Variants in PTPRG observed in about 807,000 individuals in gnomAD.
PTPRG encodes receptor-type tyrosine-protein phosphatase gamma.
In PTPRG, 102 loss-of-function variants were observed where a neutral mutation model predicts 165.3. The ratio of observed to expected loss-of-function variants is 0.62; its 90% confidence interval spans 0.53 to 0.73. The LOEUF (loss-of-function observed/expected upper bound fraction) is 0.73. Among genes scored for constraint, PTPRG ranks in the 30% least tolerant of loss-of-function variants. The pLI, the probability that PTPRG is intolerant of heterozygous loss-of-function variation, is 0.00. For missense variants in PTPRG, 1,866 were observed against 1,861.4 expected (o/e 1.00, Z -0.05); for synonymous variants, 675 against 669.5 (o/e 1.01, Z -0.13).
Position 61,953,548 on chromosome 3 carries a change from G to A in PTPRG, c.191-36077G>A, listed in dbSNP as rs558908116. The stretch of plus-strand genomic sequence containing the variant: ...TAAATTAAGGTTGTATATTGCAATG[G>A]CAATTAAGCAGTGTAATAAATGTGA... On this transcript the variant is annotated intron_variant, in intron 2 of 29. Transcript: ENST00000474889. 1.6e-4 allele frequency among the ~76,000 whole-genome samples: 25 copies of A among 152,242 alleles called. 2 individuals are homozygous for A. In the South Asian group the frequency reaches 4.4e-3, roughly 27 times the overall value.
intron 1 of PTPRG, among the ~76,000 whole-genome samples, chr3:61,693,514 G>A (rs757274620): frequency 6.6e-6 from 1 of 152,158 alleles, no homozygotes; most frequent in Non-Finnish European, 1.5e-5. Context: ...TAGGGGGCTG[G>A]ACTTGGTGCT....
At chr3:61,997,749 A>T in intron 3 of PTPRG, among the ~76,000 whole-genome samples, 1 of 152,170 alleles carries the variant, frequency 6.6e-6, no homozygotes, top group East Asian at 1.9e-4. Context: ...ATTACTCAGT[A>T]AATATTTGTT....
In PTPRG at chr3:62,281,551, T is replaced by TTTTTTTTTTTG. The variant is rs1553667465; in HGVS notation, c.3766-12_3766-11insTTTTTTTTTTG. The TTTTTTTTTTTG allele has an allele frequency of 5.5e-6, 8 of 1,466,968 alleles. No individual in the cohort carries two copies. The South Asian group carries it at 9.6e-5, about 18-fold the overall frequency. The allele number at this position is 1,466,968 out of a possible 1,614,324, so 90.9% of individuals were successfully genotyped here. A position where few individuals can be genotyped will look rare whatever the true frequency, so the allele number is the denominator to read the frequency against. ...GAACTGCAGAGGCTTTTTTTTTTTT[T>TTTTTTTTTTTG]GGATTCCAAAGGCAGAAGATGAGTT... On this transcript the variant is annotated splice_polypyrimidine_tract_variant and intron_variant, in intron 26 of 29. Transcript: ENST00000474889.
chr3:62,277,164 A>G (rs1203950357), intron 25 of PTPRG, 116 bp downstream of exon 25: 8 of 796,118 alleles, frequency 1.0e-5, no homozygotes, highest in Non-Finnish European at 1.4e-5. Flanking sequence ...GTGTAATATG[A>G]AAAGTATAGA....
chr3:61,798,615 G>C (rs2107159323), intron 2 of PTPRG, among the ~76,000 whole-genome samples: 1 of 123,002 alleles, frequency 8.1e-6, no homozygotes, highest in South Asian at 3.1e-4. Flanking sequence ...TGTTGTTGCT[G>C]CTGGTTTTTT....
intron 1 of PTPRG, among the ~76,000 whole-genome samples, chr3:61,623,329 A>G (rs182712977): frequency 6.6e-6 from 1 of 152,310 alleles, no homozygotes; most frequent in African/African-American, 2.4e-5. Context: ...GATCTGCATG[A>G]CTAGGGAGGA....
chr3:62,183,851 A>T (rs896351992), intron 8 of PTPRG, among the ~76,000 whole-genome samples: 1 of 152,196 alleles, frequency 6.6e-6, no homozygotes, highest in South Asian at 2.1e-4. Flanking sequence ...AACGGGAAGG[A>T]AGCTTTTTAC....
At chr3:62,285,887 G>A (rs1559763932) in intron 28 of PTPRG, among the ~76,000 whole-genome samples, 1 of 152,116 alleles carries the variant, frequency 6.6e-6, no homozygotes, top group Non-Finnish European at 1.5e-5. Flanking sequence ...TCACTCTGGA[G>A]ATACATGTAT....
chr3:61,736,173 G>A (rs2032715169), intron 1 of PTPRG, among the ~76,000 whole-genome samples: 1 of 151,484 alleles, frequency 6.6e-6, no homozygotes, highest in Admixed American at 6.6e-5. Context: ...CTCCCAAAGT[G>A]CTAGGATTAC....
chr3:61,569,897 A>C (rs1400664009), intron 1 of PTPRG, among the ~76,000 whole-genome samples: 30 of 152,208 alleles, frequency 2.0e-4, no homozygotes, highest in Non-Finnish European at 1.5e-5. Context: ...ATTGCAAAGG[A>C]GGTCTCTGCT....
chr3:62,047,948 C>A (rs1184224456), intron 4 of PTPRG, among the ~76,000 whole-genome samples: 1 of 152,136 alleles, frequency 6.6e-6, no homozygotes, highest in African/African-American at 2.4e-5. Flanking sequence ...CAGTGGGATG[C>A]ATAGCTAATT....
intron 8 of PTPRG, among the ~76,000 whole-genome samples, chr3:62,186,407 T>A: frequency 6.6e-6 from 1 of 151,838 alleles, no homozygotes; most frequent in East Asian, 1.9e-4. Flanking sequence ...GGGAGATGCT[T>A]GCAGCTCAGT....
At chr3:62,168,730 A>C (rs1453994187) in intron 8 of PTPRG, among the ~76,000 whole-genome samples, 1 of 152,132 alleles carries the variant, frequency 6.6e-6, no homozygotes, top group Admixed American at 6.6e-5. Flanking sequence ...CTGAAGCCCA[A>C]GTGGGCATGT....
chr3:62,172,552 T>A (rs993058982), intron 8 of PTPRG, among the ~76,000 whole-genome samples: 1 of 151,464 alleles, frequency 6.6e-6, no homozygotes, highest in African/African-American at 2.5e-5. Flanking sequence ...ACAGCCCACA[T>A]GACCAAATGT....
At chr3:62,159,533 G>A (rs1704666915) in intron 7 of PTPRG, among the ~76,000 whole-genome samples, 1 of 152,082 alleles carries the variant, frequency 6.6e-6, no homozygotes, top group Non-Finnish European at 1.5e-5. Flanking sequence ...CCAAGTGTTT[G>A]TCTTTTAGAA....
At chr3:62,265,175 A>G (rs1701825208) in intron 17 of PTPRG, among the ~76,000 whole-genome samples, 1 of 152,122 alleles carries the variant, frequency 6.6e-6, no homozygotes, top group Non-Finnish European at 1.5e-5. Flanking sequence ...TTCTTTATAT[A>G]TTCTGGATAC....
At chr3:61,906,429 C>A (rs1187294393) in intron 2 of PTPRG, among the ~76,000 whole-genome samples, 1 of 151,178 alleles carries the variant, frequency 6.6e-6, no homozygotes, top group Non-Finnish European at 1.5e-5. Context: ...GCATTCCAGC[C>A]CGGGTGACAA....
At chr3:61,843,868 A>G (rs902664374) in intron 2 of PTPRG, among the ~76,000 whole-genome samples, 5 of 151,706 alleles carry the variant, frequency 3.3e-5, no homozygotes, top group Non-Finnish European at 7.4e-5. Context: ...CACCAATTCC[A>G]TGCACTTAAA....
In PTPRG at chr3:61,733,595, T is replaced by C. The variant is rs187092738; in HGVS notation, c.86-15283T>C. ...CCAGCACCATTACTCATTTTCTTTG[T>C]GAATTTTAGCAACTAAAGCAGAGCA... On this transcript the variant is annotated intron_variant, in intron 1 of 29. Transcript: ENST00000474889. 9.2e-5 allele frequency among the ~76,000 whole-genome samples: 14 copies of C among 152,352 alleles called. 1 individual carries two copies. In the East Asian group the frequency reaches 2.7e-3, roughly 29 times the overall value.
Sources: allele counts gnomAD v4.1 joint callset (sites outside exome capture counted in the v4.1 genomes callset), GRCh38; gene constraint gnomAD v4.1.1; transcripts MANE v1.5; gene names NCBI Gene and HGNC (gene_info 2026-07-23, HGNC 2026-07-21).